Variants in MYO18B observed in about 807,000 individuals in gnomAD.
The protein encoded by MYO18B is unconventional myosin-XVIIIb.
A neutral mutation model predicts 273.0 loss-of-function variants in MYO18B; 204 were observed. The ratio of observed to expected loss-of-function variants is 0.75; its 90% confidence interval spans 0.67 to 0.84. The LOEUF is 0.84. MYO18B is among the 40% of genes least tolerant of loss of function. MYO18B has a pLI of 0.00. For missense variants in MYO18B, 3,212 were observed against 3,287.6 expected, an observed-to-expected ratio of 0.98 and a Z score of 0.56; for synonymous variants, 1,330 against 1,305.7, an observed-to-expected ratio of 1.02 and a Z score of -0.40.
intron 13 of MYO18B, 100 bp from the exon 14 acceptor site, chr22:25,826,309 A>T: frequency 1.2e-6 from 1 of 809,038 alleles, no homozygotes; most frequent in Non-Finnish European, 2.0e-6. Context: ...CAAGAAAAGA[A>T]GGATTTTCTA....
chr22:26,045,068 T>G, the MYO18B span, among the ~76,000 whole-genome samples: 1 of 150,536 alleles, frequency 6.6e-6, no homozygotes, highest in Non-Finnish European at 1.5e-5. Context: ...TGTTTTTTGG[T>G]TTTTGGTTTT....
At chr22:26,042,726 C>T in the MYO18B span, among the ~76,000 whole-genome samples, 1 of 152,222 alleles carries the variant, frequency 6.6e-6, no homozygotes, top group Non-Finnish European at 1.5e-5. Context: ...AACACTCATT[C>T]ATTCATTCAT....
At position 25,954,776 on chromosome 22, in the gene MYO18B, A is replaced by G. The variant is rs562840901; in HGVS notation, c.5971-403A>G. On this transcript the variant is annotated intron_variant, in intron 38 of 43. Transcript: ENST00000335473. ...ACCCAGGCTGGAGTGCAGTGGCGTGATCTTGGCTCACTACAACCTCCACCT... is the reference window on the plus strand; with the variant it reads ...ACCCAGGCTGGAGTGCAGTGGCGTGGTCTTGGCTCACTACAACCTCCACCT... 2.0e-4 allele frequency among the ~76,000 whole-genome samples: 30 copies of G among 152,214 alleles called. 1 individual carries two copies. The highest frequency in any genetic ancestry group is 6.5e-4 in the African/African-American group (27 of 41,516).
chr22:25,787,309 C>CACACACACACACAG (rs57856007), intron 11 of MYO18B, among the ~76,000 whole-genome samples: 1,741 of 144,722 alleles, frequency 0.012, 41 homozygotes, highest in African/African-American at 0.039. Context: ...CACACACACA[C>CACACACACACACAG]AGTCTGTCTT....
chr22:26,030,974 A>G lies in MYO18B; in HGVS notation c.*544A>G, dbSNP rs5997025. The G allele has an allele frequency of 0.042, 16,625 of 398,506 alleles. 2,272 individuals carry two copies. Among genetic ancestry groups the G allele is most frequent in the African/African-American group, 0.3 (14,577 of 48,632 alleles). 24.7% of individuals were successfully genotyped at this position (398,506 alleles called of 1,614,324 possible). A position where few individuals can be genotyped will look rare whatever the true frequency, so the allele number is the denominator to read the frequency against. ...TGTGTATGTATAAGTGTGTACAAGC[A>G]TTCAAGAAACTGATGAATGATGAAT... On this transcript the variant is annotated 3_prime_UTR_variant, in exon 44 of 44. Coordinates refer to ENST00000335473, the MANE Select transcript of MYO18B (RefSeq NM_032608.7).
intron 34 of MYO18B, among the ~76,000 whole-genome samples, chr22:25,933,763 G>A (rs531959191): frequency 6.6e-6 from 1 of 152,254 alleles, no homozygotes; most frequent in African/African-American, 2.4e-5. Context: ...CTAGGTTTTG[G>A]TTATGAATAG....
At chr22:25,988,015 A>C (rs2093220496) in intron 39 of MYO18B, among the ~76,000 whole-genome samples, 1 of 152,150 alleles carries the variant, frequency 6.6e-6, no homozygotes, top group Admixed American at 6.5e-5. Context: ...CTAAGCTCAC[A>C]ATCGACCTCA....
chr22:25,789,091 C>G (rs62224689), intron 11 of MYO18B, among the ~76,000 whole-genome samples: 2 of 29,490 alleles, frequency 6.8e-5, no homozygotes, highest in African/African-American at 1.1e-4. Flanking sequence ...TCTTCCTCCT[C>G]CTTCTTCTTC....
In MYO18B at chr22:26,003,316, TAACCCCAGGTAG is replaced by T. The variant is rs1934144251; in HGVS notation, c.6332+11_6332+22del. ...GCAGCGGCCGAAAAGAGATGTAAGT[TAACCCCAGGTAG>T]AACTGAGCAGCTCACAAGGGTGAGC... On this transcript the variant is annotated splice_region_variant and intron_variant, in intron 41 of 43. Coordinates refer to ENST00000335473, the MANE Select transcript of MYO18B (RefSeq NM_032608.7). 1 of 1,603,726 alleles carries T rather than the reference TAACCCCAGGTAG, an allele frequency of 6.2e-7. No homozygotes were observed. The highest frequency in any genetic ancestry group is 8.5e-7 in the Non-Finnish European group (1 of 1,175,304).
the MYO18B span, among the ~76,000 whole-genome samples, chr22:26,052,274 T>C: frequency 2.0e-5 from 3 of 152,220 alleles, no homozygotes; most frequent in African/African-American, 7.2e-5. Context: ...CCAACTTGGC[T>C]GCAGGTTGTT....
intron 12 of MYO18B, among the ~76,000 whole-genome samples, chr22:25,821,002 G>A (rs2089257491): frequency 6.6e-6 from 1 of 152,160 alleles, no homozygotes; most frequent in African/African-American, 2.4e-5. Flanking sequence ...TGAATGACAA[G>A]ACTTCATGCT....
intron 34 of MYO18B, among the ~76,000 whole-genome samples, chr22:25,932,016 C>A (rs973001605): frequency 2.2e-4 from 33 of 151,958 alleles, no homozygotes; most frequent in Admixed American, 7.9e-4. Context: ...GGATTACAGG[C>A]TTGAGCCAAC....
At chr22:25,748,111 C>T (rs189113567) in intron 1 of MYO18B, among the ~76,000 whole-genome samples, 91 of 152,274 alleles carry the variant, frequency 6.0e-4, no homozygotes, top group African/African-American at 2.1e-3. Flanking sequence ...GGAGCCATGT[C>T]CCCTGAGAAA....
In MYO18B at chr22:25,763,317, C is replaced by T. The variant is rs1364679076; in HGVS notation, c.126C>T (p.Val42=). The change falls in exon 3 of 44, where the codon GTC becomes GTT. Residue 42 remains valine (V), a synonymous_variant. Coordinates refer to ENST00000335473, the MANE Select transcript of MYO18B (RefSeq NM_032608.7). ...VIPGGFIKQL[V]RGTEKEAKEA... ...CAGGGGGCTTCATTAAGCAACTGGT[C>T]CGGGGGACTGAAAAAGAGGCCAAGG... The T allele has an allele frequency of 6.2e-7, 1 of 1,613,246 alleles. No homozygotes were observed. The highest frequency in any genetic ancestry group is 8.5e-7 in the Non-Finnish European group (1 of 1,179,728).
intron 25 of MYO18B, among the ~76,000 whole-genome samples, chr22:25,890,027 G>T (rs2091614261): frequency 2.0e-5 from 3 of 152,088 alleles, no homozygotes; most frequent in Admixed American, 2.0e-4. Flanking sequence ...TTTAGTTGTT[G>T]CAACAACACC....
rs1216087362 is a variant in MYO18B at position 25,792,687 on chromosome 22, G to C, written c.2377-5266G>C. On this transcript the variant is annotated intron_variant, in intron 11 of 43. Coordinates refer to ENST00000335473, the MANE Select transcript of MYO18B (RefSeq NM_032608.7). ...TTTTTTTATTTTTAGTAGAGACGGG[G>C]TTTCACCATTTTTGCCAGGATGGTT... is the stretch of plus-strand genomic sequence containing the variant. 1.1e-4 allele frequency among the ~76,000 whole-genome samples: 16 copies of C among 151,962 alleles called. No individual in the cohort carries two copies. The South Asian group carries it at 2.5e-3, about 24-fold the overall frequency.
In MYO18B at chr22:25,744,558, C is replaced by G. The variant is rs6004749; in HGVS notation, c.-110+2265C>G. 5.2e-3 allele frequency among the ~76,000 whole-genome samples: 796 copies of G among 152,040 alleles called. 5 individuals carry two copies. The highest frequency in any genetic ancestry group is 0.018 in the African/African-American group (755 of 41,464). ...CATCCTGGCTAACACGGTGAAACCC[C>G]GTCTCTACTAAAAACACAAAAAAAA... On this transcript the variant is annotated intron_variant, in intron 1 of 43. Coordinates refer to ENST00000335473, the MANE Select transcript of MYO18B (RefSeq NM_032608.7).
the MYO18B span, among the ~76,000 whole-genome samples, chr22:26,054,275 G>T: frequency 2.6e-5 from 4 of 152,116 alleles, no homozygotes; most frequent in Non-Finnish European, 4.4e-5. Context: ...TCCTTGCCCT[G>T]TGGAAAGGGG....
At chr22:26,054,958 A>T in the MYO18B span, among the ~76,000 whole-genome samples, 85 of 152,246 alleles carry the variant, frequency 5.6e-4, no homozygotes, top group African/African-American at 2.0e-3. Flanking sequence ...TAAACTTTCA[A>T]GCATCAGACA....
Sources: gnomAD v4.1 joint callset for allele counts (sites outside exome capture counted in the v4.1 genomes callset) on GRCh38, gnomAD v4.1.1 for gene constraint, MANE v1.5 for transcripts, NCBI Gene and HGNC (gene_info 2026-07-23, HGNC 2026-07-21) for gene names.